PCED1B: variants seen among roughly 807,000 people sequenced by gnomAD.
The protein encoded by PCED1B is PC-esterase domain-containing protein 1B.
For missense variants in PCED1B, 573 were observed against 573.9 expected (o/e 1.00, Z 0.02); for synonymous variants, 251 against 246.1 (o/e 1.02, Z -0.19).
chr12:47,125,819 A>G (rs981691981), intron 2 of PCED1B, among the ~76,000 whole-genome samples: 1 of 152,108 alleles, frequency 6.6e-6, no homozygotes, highest in Non-Finnish European at 1.5e-5. Context: ...CTGCCAGTGC[A>G]TAGAAATACA....
chr12:47,137,743 A>AG (rs1491005810), intron 2 of PCED1B, among the ~76,000 whole-genome samples: 4 of 134,654 alleles, frequency 3.0e-5, no homozygotes, highest in African/African-American at 1.0e-4. Flanking sequence ...AAAAAAAAAA[A>AG]GAAAAAAAGA....
rs1345794860 is a variant in PCED1B at position 47,194,038 on chromosome 12, A to AG, written c.-525-22181dup. ...GCTTTTGCTGTGCTCTGCCACCTGC[A>AG]GGGCCCTTGGTCATACTGTGTTGAG... On this transcript the variant is annotated intron_variant, in intron 2 of 3. Coordinates refer to ENST00000546455, the MANE Select transcript of PCED1B (RefSeq NM_138371.3). Among the ~76,000 whole-genome samples the AG allele has an allele frequency of 7.2e-5, 11 of 152,314 alleles. No individual in the cohort carries two copies. In the East Asian group the frequency reaches 2.1e-3, roughly 29 times the overall value.
intron 2 of PCED1B, among the ~76,000 whole-genome samples, chr12:47,186,184 C>CGA (rs1942257678): frequency 6.7e-6 from 1 of 150,030 alleles, no homozygotes; most frequent in Non-Finnish European, 1.5e-5. Context: ...CGCCCCTGCA[C>CGA]TCCAGCCTGG....
intron 2 of PCED1B, among the ~76,000 whole-genome samples, chr12:47,196,593 C>G (rs1412518635): frequency 6.6e-6 from 1 of 152,060 alleles, no homozygotes; most frequent in Admixed American, 6.6e-5. Flanking sequence ...TTTGGGAGGC[C>G]GAGGCAGGCA....
intron 2 of PCED1B, among the ~76,000 whole-genome samples, chr12:47,110,416 T>C (rs1939142247): frequency 6.6e-6 from 1 of 152,176 alleles, no homozygotes; most frequent in Admixed American, 6.5e-5. Flanking sequence ...TAATTATGAA[T>C]TGCAAACATA....
At chr12:47,188,002 G>A (rs1413049365) in intron 2 of PCED1B, 1 of 154,098 alleles carries the variant, frequency 6.5e-6, no homozygotes, top group Non-Finnish European at 1.5e-5. Flanking sequence ...ACTGCAACAA[G>A]TTCTTTGCCC....
chr12:47,097,669 G>A (rs1380637323), intron 1 of PCED1B, among the ~76,000 whole-genome samples: 12 of 152,120 alleles, frequency 7.9e-5, no homozygotes, highest in East Asian at 5.8e-4. Flanking sequence ...GTGAAGAGCC[G>A]ACAAACACAA....
intron 1 of PCED1B, among the ~76,000 whole-genome samples, chr12:47,102,816 A>G (rs1475912989): frequency 6.6e-6 from 1 of 152,242 alleles, no homozygotes; most frequent in Non-Finnish European, 1.5e-5. Context: ...TTCAAGAAAT[A>G]GGTAATAATA....
At chr12:47,178,252 A>G (rs1449508011) in intron 2 of PCED1B, among the ~76,000 whole-genome samples, 1 of 152,092 alleles carries the variant, frequency 6.6e-6, no homozygotes, top group Non-Finnish European at 1.5e-5. Flanking sequence ...TGTGGTAGGG[A>G]TTAGATGGCA....
chr12:47,190,565 C>T (rs1024775823), intron 2 of PCED1B, among the ~76,000 whole-genome samples: 7 of 152,220 alleles, frequency 4.6e-5, no homozygotes, highest in African/African-American at 1.7e-4. Context: ...TATGCAAATC[C>T]TGCATCTGGG....
chr12:47,120,549 C>T (rs376741118), intron 2 of PCED1B, among the ~76,000 whole-genome samples: 2 of 152,142 alleles, frequency 1.3e-5, no homozygotes, highest in Non-Finnish European at 2.9e-5. Context: ...TGCCTGTAAT[C>T]CCAGCACTTT....
intron 3 of PCED1B, among the ~76,000 whole-genome samples, chr12:47,231,735 G>A (rs1445789384): frequency 6.6e-6 from 1 of 152,166 alleles, no homozygotes; most frequent in Non-Finnish European, 1.5e-5. Flanking sequence ...CACTGTAGCA[G>A]AGACAGCACT....
intron 1 of PCED1B, among the ~76,000 whole-genome samples, chr12:47,087,795 T>C (rs997373683): frequency 1.3e-5 from 2 of 152,202 alleles, no homozygotes; most frequent in African/African-American, 4.8e-5. Flanking sequence ...CGGTCAGAGA[T>C]GAAAATTTTC....
chr12:47,084,753 A>G (rs545466907), intron 1 of PCED1B, among the ~76,000 whole-genome samples: 2 of 152,344 alleles, frequency 1.3e-5, no homozygotes, highest in East Asian at 3.9e-4. Flanking sequence ...CTTGAATTAT[A>G]AAAGTATTAA....
intron 2 of PCED1B, among the ~76,000 whole-genome samples, chr12:47,116,357 G>A (rs2137284551): frequency 6.6e-6 from 1 of 152,212 alleles, no homozygotes; most frequent in Non-Finnish European, 1.5e-5. Flanking sequence ...TAAATTTAAT[G>A]GAGCAAATAC....
At chr12:47,178,201 C>T (rs10881059) in intron 2 of PCED1B, among the ~76,000 whole-genome samples, 5,258 of 152,272 alleles carry the variant, frequency 0.035, 104 homozygotes, top group Middle Eastern at 0.075. Context: ...GCACCTTTGG[C>T]GTAGACACCA....
chr12:47,097,831 A>G (rs1311972419), intron 1 of PCED1B, among the ~76,000 whole-genome samples: 1 of 152,206 alleles, frequency 6.6e-6, no homozygotes, highest in African/African-American at 2.4e-5. Flanking sequence ...CAGTTCACCC[A>G]AAGATTCCCT....
intron 2 of PCED1B, among the ~76,000 whole-genome samples, chr12:47,106,893 G>A (rs139133341): frequency 1.5e-4 from 23 of 151,866 alleles, no homozygotes; most frequent in African/African-American, 3.6e-4. Context: ...TCCGGGGCCC[G>A]CAGCCTTCCC....
chr12:47,215,443 G>A (rs1027199296), intron 2 of PCED1B, among the ~76,000 whole-genome samples: 5 of 151,866 alleles, frequency 3.3e-5, no homozygotes, highest in Non-Finnish European at 4.4e-5. Context: ...CAGTAGAGAC[G>A]GAGTTGCACC....
Sources: allele counts gnomAD v4.1 joint callset (sites outside exome capture counted in the v4.1 genomes callset), GRCh38; gene constraint gnomAD v4.1.1; transcripts MANE v1.5; gene names NCBI Gene and HGNC (gene_info 2026-07-23, HGNC 2026-07-21).